CADM2: variants seen among roughly 807,000 people sequenced by gnomAD.
The protein encoded by CADM2 is cell adhesion molecule 2, also known as immunoglobulin superfamily member 4D.
In CADM2, 12 loss-of-function variants were observed where a neutral mutation model predicts 49.8. That is an observed-to-expected ratio of 0.24 (90% CI 0.15 to 0.39). CADM2 has a LOEUF of 0.39. Among genes scored for constraint, CADM2 ranks in the 10% least tolerant of loss-of-function variants. CADM2 has a pLI of 1.00. For missense variants in CADM2, 378 were observed against 492.3 expected (o/e 0.77, Z 2.20); for synonymous variants, 214 against 175.4 (o/e 1.22, Z -1.74).
intron 1 of CADM2, among the ~76,000 whole-genome samples, chr3:85,487,949 C>A (rs1410538674): frequency 1.3e-5 from 2 of 152,084 alleles, no homozygotes; most frequent in Admixed American, 1.3e-4. Context: ...TTTCACACCC[C>A]ATTTTACAAT....
intron 1 of CADM2, among the ~76,000 whole-genome samples, chr3:85,145,024 T>G (rs1207322242): frequency 1.3e-5 from 2 of 152,148 alleles, no homozygotes; most frequent in East Asian, 1.9e-4. Context: ...CTCAAAGATA[T>G]GAGATTGCAT....
chr3:85,985,688 A>G (rs1225319291), intron 8 of CADM2, among the ~76,000 whole-genome samples: 1 of 152,062 alleles, frequency 6.6e-6, no homozygotes, highest in Non-Finnish European at 1.5e-5. Flanking sequence ...ATCTGTTTGT[A>G]TCACTATAAT....
chr3:85,876,882 T>C lies in CADM2; in HGVS notation c.239-6409T>C, dbSNP rs189303427. On this transcript the variant is annotated intron_variant, in intron 3 of 9. Transcript: ENST00000383699. The stretch of plus-strand genomic sequence containing the variant: ...CCTTTTGTTAGAAATGGGCATAAAA[T>C]GTGTCTGAAATCCTCCAATTAGTTG... 2.0e-3 allele frequency among the ~76,000 whole-genome samples: 310 copies of C among 152,300 alleles called. 1 individual carries two copies. The highest frequency in any genetic ancestry group is 2.8e-3 in the Non-Finnish European group (192 of 67,996).
At chr3:86,053,927 C>G (rs1737623301) in intron 8 of CADM2, among the ~76,000 whole-genome samples, 1 of 151,870 alleles carries the variant, frequency 6.6e-6, no homozygotes, top group African/African-American at 2.4e-5. Flanking sequence ...ATTATCTGAT[C>G]TGTTATGCAC....
intron 3 of CADM2, among the ~76,000 whole-genome samples, chr3:85,878,157 G>A (rs1408467784): frequency 5.3e-5 from 8 of 152,050 alleles, no homozygotes; most frequent in African/African-American, 1.9e-4. Flanking sequence ...AATAATCCAT[G>A]TAGTAATTTT....
chr3:84,974,500 G>A (rs1248853), intron 1 of CADM2, among the ~76,000 whole-genome samples: 16,117 of 150,488 alleles, frequency 0.11, 1,760 homozygotes, highest in African/African-American at 0.28. Flanking sequence ...GTTTTCCTAA[G>A]TCAGAGATGC....
intron 1 of CADM2, among the ~76,000 whole-genome samples, chr3:85,447,208 A>G: frequency 6.6e-6 from 1 of 151,626 alleles, no homozygotes; most frequent in East Asian, 1.9e-4. Context: ...AAGTGCCACA[A>G]AACAGAAATC....
At chr3:85,568,570 C>T (rs1340619645) in intron 1 of CADM2, among the ~76,000 whole-genome samples, 1 of 143,758 alleles carries the variant, frequency 7.0e-6, no homozygotes, top group African/African-American at 2.6e-5. Context: ...TCTTTTCCTT[C>T]CTTCCTTCTT....
intron 1 of CADM2, among the ~76,000 whole-genome samples, chr3:85,687,030 C>T (rs530137947): frequency 6.6e-6 from 1 of 152,148 alleles, no homozygotes; most frequent in Non-Finnish European, 1.5e-5. Context: ...CATCCTCAAT[C>T]TTGGCAAAAT....
intron 3 of CADM2, among the ~76,000 whole-genome samples, chr3:85,876,474 A>G (rs545495936): frequency 7.2e-5 from 11 of 152,252 alleles, no homozygotes; most frequent in Admixed American, 5.2e-4. Context: ...CCAAAAAGGT[A>G]TATCATAATC....
intron 3 of CADM2, among the ~76,000 whole-genome samples, chr3:85,846,451 G>A (rs1349048681): frequency 6.6e-6 from 1 of 152,070 alleles, no homozygotes; most frequent in African/African-American, 2.4e-5. Context: ...TCTCCAAGTT[G>A]GCGATATCTA....
chr3:85,316,399 T>C (rs768932539), intron 1 of CADM2, among the ~76,000 whole-genome samples: 9 of 152,192 alleles, frequency 5.9e-5, no homozygotes, highest in Non-Finnish European at 1.2e-4. Context: ...CTCTGCTTAG[T>C]ATGCGGCTGA....
chr3:85,301,132 G>A (rs181825174), intron 1 of CADM2, among the ~76,000 whole-genome samples: 2 of 151,992 alleles, frequency 1.3e-5, no homozygotes, highest in Non-Finnish European at 2.9e-5. Flanking sequence ...AAAATACAAC[G>A]TAGCCTAGAT....
At chr3:85,109,322 A>C (rs1284456377) in intron 1 of CADM2, among the ~76,000 whole-genome samples, 1 of 151,992 alleles carries the variant, frequency 6.6e-6, no homozygotes, top group African/African-American at 2.4e-5. Flanking sequence ...ATAGATGATA[A>C]AGATAGCATT....
chr3:85,622,653 T>C (rs1218647877), intron 1 of CADM2, among the ~76,000 whole-genome samples: 1 of 152,148 alleles, frequency 6.6e-6, no homozygotes, highest in Non-Finnish European at 1.5e-5. Flanking sequence ...GGCCTGAAAC[T>C]ATGGACTTTA....
intron 1 of CADM2, among the ~76,000 whole-genome samples, chr3:85,001,247 T>G (rs1576007165): frequency 2.6e-5 from 4 of 152,154 alleles, no homozygotes; most frequent in Admixed American, 2.6e-4. Flanking sequence ...GATATTCATA[T>G]TTTTGAAATT....
intron 1 of CADM2, among the ~76,000 whole-genome samples, chr3:84,992,278 C>T (rs765478926): frequency 3.3e-5 from 5 of 152,030 alleles, no homozygotes; most frequent in Non-Finnish European, 7.4e-5. Context: ...ATTTTAAAAG[C>T]CTTGATTTTA....
intron 1 of CADM2, among the ~76,000 whole-genome samples, chr3:85,563,536 C>A (rs1233681950): frequency 1.3e-5 from 2 of 151,802 alleles, no homozygotes. Context: ...TGTGTGTAGG[C>A]CAGCATGACT....
chr3:85,852,793 T>C (rs2075159634), intron 3 of CADM2, among the ~76,000 whole-genome samples: 1 of 152,096 alleles, frequency 6.6e-6, no homozygotes, highest in Non-Finnish European at 1.5e-5. Flanking sequence ...ACACTTTGAA[T>C]TATACTTATT....
Sources: gnomAD v4.1 joint callset for allele counts (sites outside exome capture counted in the v4.1 genomes callset) on GRCh38, gnomAD v4.1.1 for gene constraint, MANE v1.5 for transcripts, NCBI Gene and HGNC (gene_info 2026-07-23, HGNC 2026-07-21) for gene names.